The following MYT1L variants were observed in gnomAD, a reference collection of about 807,000 sequenced individuals.
The protein encoded by MYT1L is myelin transcription factor 1-like protein.
Under a neutral mutation model 126.7 loss-of-function variants are expected in MYT1L, and 12 were observed. The observed-to-expected ratio is 0.09, with a 90% confidence interval of 0.06 to 0.15. The LOEUF is 0.15. Ranked by LOEUF, MYT1L falls within the 10% of genes least tolerant of loss-of-function variation. The probability of loss-of-function intolerance (pLI) is 1.00; values close to 1 mark genes in which losing one functional copy is unlikely to be tolerated. For synonymous variants in MYT1L, 541 were observed against 604.2 expected, an observed-to-expected ratio of 0.90 and a Z score of 1.53; for missense variants, 979 against 1,585.2, an observed-to-expected ratio of 0.62 and a Z score of 6.49.
At chr2:2,032,037 C>T (rs1251016164) in intron 4 of MYT1L, among the ~76,000 whole-genome samples, 3 of 139,864 alleles carry the variant, frequency 2.1e-5, no homozygotes, top group Non-Finnish European at 4.6e-5. Flanking sequence ...ACACACCCCT[C>T]GCCAGTACCT....
At chr2:1,930,751 A>C (rs1312074883) in intron 9 of MYT1L, among the ~76,000 whole-genome samples, 11 of 152,212 alleles carry the variant, frequency 7.2e-5, no homozygotes, top group Non-Finnish European at 1.5e-4. Flanking sequence ...ATTGCTTATA[A>C]AAATATTTAG....
Position 1,797,536 on chromosome 2 carries a change from G to C in MYT1L, c.3276+4160C>G, listed in dbSNP as rs560448405. Among the ~76,000 whole-genome samples, 37 of 152,284 alleles carry C rather than the reference G, an allele frequency of 2.4e-4. No individual in the cohort carries two copies. The South Asian group carries it at 7.7e-3, about 32-fold the overall frequency. ...TGCCCGGCCAGGGGCCCGGACTTCT[G>C]ATTGCGTTTGTGTGAGGTGAAGACC... On this transcript the variant is annotated intron_variant, in intron 23 of 24. Transcript: ENST00000647738.
intron 21 of MYT1L, among the ~76,000 whole-genome samples, chr2:1,829,374 C>T (rs2039802684): frequency 2.9e-3 from 1 of 346 alleles, no homozygotes; most frequent in Non-Finnish European, 5.4e-3. Context: ...TGAACTGACC[C>T]TCCCATACAC....
At chr2:2,312,788 A>G (rs2095996280) in intron 1 of MYT1L, among the ~76,000 whole-genome samples, 1 of 152,052 alleles carries the variant, frequency 6.6e-6, no homozygotes, top group African/African-American at 2.4e-5. Context: ...TTGCTGCATC[A>G]AGGACATTTC....
chr2:2,169,846 C>A (rs549014772), intron 3 of MYT1L, among the ~76,000 whole-genome samples: 10 of 152,272 alleles, frequency 6.6e-5, no homozygotes, highest in African/African-American at 2.4e-4. Context: ...ACAGAACTCC[C>A]TCTGTATCCA....
intron 2 of MYT1L, among the ~76,000 whole-genome samples, chr2:2,188,524 T>C (rs374665284): frequency 6.6e-6 from 1 of 152,212 alleles, no homozygotes; most frequent in East Asian, 1.9e-4. Flanking sequence ...TTTCCTAATC[T>C]ATTTAAAATG....
chr2:2,227,730 G>A (rs774851838), intron 2 of MYT1L, among the ~76,000 whole-genome samples: 5 of 152,158 alleles, frequency 3.3e-5, no homozygotes, highest in African/African-American at 4.8e-5. Context: ...AGAGCTAGGC[G>A]AATTAATGTT....
At chr2:2,280,870 T>C (rs10495486) in intron 2 of MYT1L, among the ~76,000 whole-genome samples, 3,902 of 152,320 alleles carry the variant, frequency 0.026, 222 homozygotes, top group East Asian at 0.22. Context: ...TTCTAATTCC[T>C]TCATTTAACT....
chr2:1,901,687 T>C, intron 14 of MYT1L, among the ~76,000 whole-genome samples: 1 of 152,222 alleles, frequency 6.6e-6, no homozygotes, highest in East Asian at 1.9e-4. Context: ...AAATATTGTG[T>C]GTGTATGTGT....
intron 3 of MYT1L, among the ~76,000 whole-genome samples, chr2:2,104,713 C>G (rs2078533621): frequency 6.6e-6 from 1 of 152,224 alleles, no homozygotes; most frequent in Admixed American, 6.5e-5. Flanking sequence ...CTGAATGTTA[C>G]CTTAGGAAAC....
At chr2:1,867,778 T>C (rs931520344) in intron 18 of MYT1L, among the ~76,000 whole-genome samples, 1 of 152,222 alleles carries the variant, frequency 6.6e-6, no homozygotes, top group African/African-American at 2.4e-5. Flanking sequence ...AATATGTAGA[T>C]GAAGGTCATT....
chr2:2,129,539 C>T (rs1206661788), intron 3 of MYT1L, among the ~76,000 whole-genome samples: 1 of 152,150 alleles, frequency 6.6e-6, no homozygotes, highest in East Asian at 1.9e-4. Flanking sequence ...AGGCTGGAGC[C>T]CACACAGGAG....
chr2:1,952,933 TCCTTCCCTTCCCTCCTTCCTC>T (rs1293142283), intron 8 of MYT1L, among the ~76,000 whole-genome samples: 17 of 110,102 alleles, frequency 1.5e-4, no homozygotes, highest in South Asian at 4.1e-4. Context: ...CTTCCCTCCT[TCCTTCCCTTCCCTCCTTCCTC>T]CCTCCCTCCC....
chr2:1,998,146 T>C (rs2062034165), intron 4 of MYT1L, among the ~76,000 whole-genome samples: 1 of 152,166 alleles, frequency 6.6e-6, no homozygotes, highest in Non-Finnish European at 1.5e-5. Context: ...CGGGGAGCCT[T>C]GGGTGGTGGC....
chr2:2,195,986 A>T (rs1486017130), intron 2 of MYT1L, among the ~76,000 whole-genome samples: 1 of 152,192 alleles, frequency 6.6e-6, no homozygotes, highest in African/African-American at 2.4e-5. Context: ...GTATTTAAAA[A>T]GATAAAATGT....
chr2:2,219,705 T>C (rs1359303770), intron 2 of MYT1L, among the ~76,000 whole-genome samples: 1 of 152,184 alleles, frequency 6.6e-6, no homozygotes, highest in Non-Finnish European at 1.5e-5. Flanking sequence ...TCCAAGTTGC[T>C]AGCCAGTCAG....
intron 3 of MYT1L, among the ~76,000 whole-genome samples, chr2:2,128,541 AT>A (rs924081913): frequency 1.3e-5 from 2 of 152,222 alleles, no homozygotes; most frequent in African/African-American, 4.8e-5. Flanking sequence ...TGATTCATAC[AT>A]TCACTGGTGA....
intron 1 of MYT1L, among the ~76,000 whole-genome samples, chr2:2,290,138 C>T (rs1304527611): frequency 6.6e-6 from 1 of 152,186 alleles, no homozygotes; most frequent in Non-Finnish European, 1.5e-5. Context: ...GGCAGAGAAG[C>T]AGTAGAGAAA....
intron 9 of MYT1L, among the ~76,000 whole-genome samples, chr2:1,940,260 A>C (rs979313639): frequency 2.7e-5 from 4 of 149,502 alleles, no homozygotes; most frequent in South Asian, 2.1e-4. Flanking sequence ...CACTGCTAGC[A>C]GGTAGGTTAT....
Sources: gnomAD v4.1 joint callset for allele counts (sites outside exome capture counted in the v4.1 genomes callset) on GRCh38, gnomAD v4.1.1 for gene constraint, MANE v1.5 for transcripts, NCBI Gene and HGNC (gene_info 2026-07-23, HGNC 2026-07-21) for gene names.